The following MOB3B variants were observed in gnomAD, a reference collection of about 807,000 sequenced individuals.
The protein encoded by MOB3B is MOB kinase activator-like 2B.
Under a neutral mutation model 18.7 loss-of-function variants are expected in MOB3B, and 7 were observed. That is an observed-to-expected ratio of 0.37 (90% CI 0.21 to 0.70). MOB3B has a LOEUF of 0.70. Ranked by LOEUF, MOB3B falls within the 30% of genes least tolerant of loss-of-function variation. The probability of loss-of-function intolerance (pLI) is 0.52; values close to 1 mark genes in which losing one functional copy is unlikely to be tolerated. For synonymous variants in MOB3B, 111 were observed against 99.9 expected (o/e 1.11, Z -0.66); for missense variants, 253 against 281.3 (o/e 0.90, Z 0.72).
intron 1 of MOB3B, among the ~76,000 whole-genome samples, chr9:27,511,595 A>T (rs1845699): frequency 0.61 from 91,913 of 151,306 alleles, 29,551 homozygotes; most frequent in Non-Finnish European, 0.71. Context: ...TGTTTTTTTT[A>T]AAAAAAATAG....
chr9:27,479,746 G>A (rs896721226), intron 1 of MOB3B, among the ~76,000 whole-genome samples: 4 of 152,202 alleles, frequency 2.6e-5, no homozygotes, highest in Admixed American at 6.5e-5. Context: ...TATGGCCCTT[G>A]CATTACGTGA....
chr9:27,402,022 T>C (rs1196132438), intron 2 of MOB3B, among the ~76,000 whole-genome samples: 1 of 152,236 alleles, frequency 6.6e-6, no homozygotes, highest in Non-Finnish European at 1.5e-5. Context: ...TAAACTGAGT[T>C]CTGCCATTTA....
chr9:27,518,159 C>T (rs577438517), intron 1 of MOB3B, among the ~76,000 whole-genome samples: 2 of 152,224 alleles, frequency 1.3e-5, no homozygotes, highest in Non-Finnish European at 2.9e-5. Context: ...CTTATGACCA[C>T]ATGCAAGCTG....
intron 2 of MOB3B, among the ~76,000 whole-genome samples, chr9:27,397,735 C>T (rs1821822828): frequency 6.6e-6 from 1 of 152,142 alleles, no homozygotes; most frequent in Admixed American, 6.6e-5. Flanking sequence ...TTCCAAAGTA[C>T]TTGATAGTTT....
intron 1 of MOB3B, among the ~76,000 whole-genome samples, chr9:27,469,755 G>A (rs1819442025): frequency 6.6e-6 from 1 of 152,114 alleles, no homozygotes; most frequent in African/African-American, 2.4e-5. Flanking sequence ...TAATACTTCA[G>A]CAAGTCTGAC....
At chr9:27,449,134 C>T (rs1009739472) in intron 2 of MOB3B, among the ~76,000 whole-genome samples, 7 of 152,118 alleles carry the variant, frequency 4.6e-5, no homozygotes, top group Non-Finnish European at 8.8e-5. Flanking sequence ...AGCCAGGAGC[C>T]TAAAGAAATA....
At chr9:27,371,997 C>A (rs1336343843) in intron 2 of MOB3B, among the ~76,000 whole-genome samples, 1 of 152,044 alleles carries the variant, frequency 6.6e-6, no homozygotes, top group Non-Finnish European at 1.5e-5. Context: ...TTTAAAAATT[C>A]AAATTTAAAA....
intron 3 of MOB3B, among the ~76,000 whole-genome samples, chr9:27,346,376 A>C (rs13298013): frequency 0.11 from 17,468 of 152,198 alleles, 2,619 homozygotes; most frequent in African/African-American, 0.35. Context: ...GTATGTGCTC[A>C]ATCTTGGCTC....
At chr9:27,450,549 C>CA (rs1822768159) in intron 2 of MOB3B, among the ~76,000 whole-genome samples, 2 of 151,808 alleles carry the variant, frequency 1.3e-5, no homozygotes, top group South Asian at 2.1e-4. Context: ...AAGTTCTAGC[C>CA]AAAAAAACAA....
intron 1 of MOB3B, among the ~76,000 whole-genome samples, chr9:27,492,231 G>A (rs185385952): frequency 1.6e-4 from 24 of 152,080 alleles, no homozygotes; most frequent in Middle Eastern, 3.4e-3. Context: ...GGGGGATTAC[G>A]GAAGAGATTA....
At chr9:27,347,425 T>C (rs1821043430) in intron 3 of MOB3B, among the ~76,000 whole-genome samples, 1 of 152,238 alleles carries the variant, frequency 6.6e-6, no homozygotes, top group Non-Finnish European at 1.5e-5. Flanking sequence ...CACCCAGCCA[T>C]GTTCCTGGAA....
At chr9:27,447,006 A>ATT (rs35871333) in intron 2 of MOB3B, among the ~76,000 whole-genome samples, 24 of 150,968 alleles carry the variant, frequency 1.6e-4, no homozygotes, top group African/African-American at 3.2e-4. Context: ...ATTAGCATGA[A>ATT]TTTTTTTTTT....
chr9:27,471,240 G>A (rs1819466442), intron 1 of MOB3B, among the ~76,000 whole-genome samples: 1 of 152,158 alleles, frequency 6.6e-6, no homozygotes, highest in African/African-American at 2.4e-5. Flanking sequence ...GTGGTCCATG[G>A]GCCAAAAGTC....
chr9:27,476,723 G>A (rs370227030), intron 1 of MOB3B, among the ~76,000 whole-genome samples: 5 of 152,180 alleles, frequency 3.3e-5, no homozygotes, highest in Non-Finnish European at 5.9e-5. Flanking sequence ...ATGAGACTAT[G>A]CCTTGTAGAC....
intron 2 of MOB3B, among the ~76,000 whole-genome samples, chr9:27,438,766 T>C (rs1822550060): frequency 6.6e-6 from 1 of 152,114 alleles, no homozygotes; most frequent in Non-Finnish European, 1.5e-5. Context: ...TGTAGACTGA[T>C]AAGGGCAGCC....
intron 2 of MOB3B, among the ~76,000 whole-genome samples, chr9:27,359,486 GTGT>G (rs1226818858): frequency 1.3e-5 from 2 of 152,070 alleles, no homozygotes; most frequent in African/African-American, 2.4e-5. Context: ...TGGAGGCCCA[GTGT>G]TGTTAGAGCT....
intron 1 of MOB3B, among the ~76,000 whole-genome samples, chr9:27,462,006 G>A (rs1157028245): frequency 6.6e-6 from 1 of 152,138 alleles, no homozygotes; most frequent in African/African-American, 2.4e-5. Context: ...AGAGAATAAT[G>A]TTCCTTCTGG....
chr9:27,488,904 A>G (rs1467142738), intron 1 of MOB3B, among the ~76,000 whole-genome samples: 1 of 152,246 alleles, frequency 6.6e-6, no homozygotes, highest in African/African-American at 2.4e-5. Context: ...ATTGACTGGC[A>G]TAGGGCTATA....
chr9:27,469,555 C>T (rs115646444), intron 1 of MOB3B, among the ~76,000 whole-genome samples: 139 of 152,290 alleles, frequency 9.1e-4, no homozygotes, highest in African/African-American at 3.3e-3. Context: ...CAGGATTGTA[C>T]AGCAGGAAGA....
Sources: allele counts gnomAD v4.1 joint callset (sites outside exome capture counted in the v4.1 genomes callset), GRCh38; gene constraint gnomAD v4.1.1; transcripts MANE v1.5; gene names NCBI Gene and HGNC (gene_info 2026-07-23, HGNC 2026-07-21).